LPAR3: variants seen among roughly 807,000 people sequenced by gnomAD.
LPAR3 encodes the protein LPA receptor 3.
A neutral mutation model predicts 17.8 loss-of-function variants in LPAR3; 7 were observed. The observed-to-expected ratio is 0.39, with a 90% CI of 0.22 to 0.74. The LOEUF (loss-of-function observed/expected upper bound fraction) is 0.74. Ranked by LOEUF, LPAR3 falls within the 30% of genes least tolerant of loss-of-function variation. The pLI is 0.40. For missense variants in LPAR3, 391 were observed against 453.4 expected, an observed-to-expected ratio of 0.86 and a Z score of 1.25; for synonymous variants, 179 against 179.9, an observed-to-expected ratio of 0.99 and a Z score of 0.04.
At chr1:84,837,907 T>C (rs1466834447) in intron 2 of LPAR3, among the ~76,000 whole-genome samples, 1 of 152,202 alleles carries the variant, frequency 6.6e-6, no homozygotes, top group East Asian at 1.9e-4. Context: ...AATTCAGAAA[T>C]GGTATCCTTA....
At chr1:84,891,325 G>T (rs946338204) in intron 1 of LPAR3, among the ~76,000 whole-genome samples, 2 of 152,192 alleles carry the variant, frequency 1.3e-5, no homozygotes, top group Non-Finnish European at 2.9e-5. Context: ...GACAATCAAT[G>T]TAAGTGTTGT....
intron 2 of LPAR3, among the ~76,000 whole-genome samples, chr1:84,832,679 C>T (rs1002403889): frequency 2.0e-5 from 3 of 152,076 alleles, no homozygotes; most frequent in Admixed American, 6.5e-5. Flanking sequence ...CCCTTGGTGC[C>T]GTAGTAACAA....
At chr1:84,842,457 G>T (rs1276079719) in intron 2 of LPAR3, among the ~76,000 whole-genome samples, 1 of 152,214 alleles carries the variant, frequency 6.6e-6, no homozygotes, top group Non-Finnish European at 1.5e-5. Flanking sequence ...TCATGCAAAT[G>T]AATGAGCAGA....
At chr1:84,853,035 C>T (rs982781112) in intron 2 of LPAR3, among the ~76,000 whole-genome samples, 3 of 150,992 alleles carry the variant, frequency 2.0e-5, no homozygotes, top group African/African-American at 7.3e-5. Context: ...GCAGAAGGAT[C>T]GCTTGAGCTC....
chr1:84,826,037 A>G (rs2102747292), intron 2 of LPAR3, among the ~76,000 whole-genome samples: 1 of 152,232 alleles, frequency 6.6e-6, no homozygotes, highest in East Asian at 1.9e-4. Context: ...GCACTAGAGA[A>G]TATAATGATA....
chr1:84,829,539 G>C (rs1356219692), intron 2 of LPAR3, among the ~76,000 whole-genome samples: 2 of 151,926 alleles, frequency 1.3e-5, no homozygotes, highest in Non-Finnish European at 2.9e-5. Flanking sequence ...CTTCAACTGT[G>C]ATACACTCTG....
intron 2 of LPAR3, among the ~76,000 whole-genome samples, chr1:84,827,198 T>C (rs1659175464): frequency 6.6e-6 from 1 of 152,210 alleles, no homozygotes; most frequent in African/African-American, 2.4e-5. Flanking sequence ...TAAAATTTGT[T>C]CTATTAGTTG....
intron 2 of LPAR3, among the ~76,000 whole-genome samples, chr1:84,817,539 C>T (rs1484652659): frequency 6.6e-6 from 1 of 152,294 alleles, no homozygotes; most frequent in South Asian, 2.1e-4. Flanking sequence ...ACAGCTGTTT[C>T]CCAGGGTCAC....
chr1:84,869,193 C>G (rs940897127), intron 1 of LPAR3, among the ~76,000 whole-genome samples: 4 of 152,164 alleles, frequency 2.6e-5, no homozygotes, highest in Admixed American at 2.6e-4. Context: ...ATATCAAGCA[C>G]TAACACCTCA....
intron 1 of LPAR3, among the ~76,000 whole-genome samples, chr1:84,876,437 G>C (rs1480074405): frequency 6.6e-6 from 1 of 152,080 alleles, no homozygotes; most frequent in East Asian, 1.9e-4. Context: ...TTGAGATACT[G>C]ATTTCTCCTG....
chr1:84,835,370 T>A (rs1174372158), intron 2 of LPAR3, among the ~76,000 whole-genome samples: 1 of 152,266 alleles, frequency 6.6e-6, no homozygotes, highest in African/African-American at 2.4e-5. Context: ...ATAGAAACCC[T>A]TAAGTCTTTT....
chr1:84,870,915 C>A (rs1158327056), intron 1 of LPAR3, among the ~76,000 whole-genome samples: 2 of 152,156 alleles, frequency 1.3e-5, no homozygotes. Context: ...ATAGAATGAT[C>A]TGATCAAATC....
chr1:84,863,266 G>A (rs1353421879), intron 2 of LPAR3, among the ~76,000 whole-genome samples: 1 of 151,948 alleles, frequency 6.6e-6, no homozygotes, highest in African/African-American at 2.4e-5. Context: ...ATAGAGATGG[G>A]GTTTCACCAT....
chr1:84,870,828 T>C (rs1191927183), intron 1 of LPAR3, among the ~76,000 whole-genome samples: 1 of 152,178 alleles, frequency 6.6e-6, no homozygotes, highest in Non-Finnish European at 1.5e-5. Context: ...CACTATACTT[T>C]ATCTCCACAG....
At chr1:84,845,780 T>C (rs1234460002) in intron 2 of LPAR3, among the ~76,000 whole-genome samples, 1 of 152,200 alleles carries the variant, frequency 6.6e-6, no homozygotes, top group East Asian at 1.9e-4. Context: ...AACATGTATT[T>C]ACTTGAGGAA....
At chr1:84,818,339 G>A (rs909200966) in intron 2 of LPAR3, among the ~76,000 whole-genome samples, 1 of 152,100 alleles carries the variant, frequency 6.6e-6, no homozygotes, top group Admixed American at 6.5e-5. Flanking sequence ...GGAGTGTTGG[G>A]TCACAAGATT....
At chr1:84,834,281 T>G (rs780892628) in intron 2 of LPAR3, among the ~76,000 whole-genome samples, 6 of 152,212 alleles carry the variant, frequency 3.9e-5, no homozygotes, top group Non-Finnish European at 7.3e-5. Flanking sequence ...CAATATTTAT[T>G]AATGAGTAAA....
intron 1 of LPAR3, among the ~76,000 whole-genome samples, chr1:84,879,735 T>A (rs11161475): frequency 0.33 from 49,902 of 152,006 alleles, 9,332 homozygotes; most frequent in South Asian, 0.44. Context: ...ACTAAGTTCT[T>A]ACCACTAGAA....
chr1:84,881,574 T>G (rs1001945698), intron 1 of LPAR3, among the ~76,000 whole-genome samples: 3 of 152,118 alleles, frequency 2.0e-5, no homozygotes, highest in African/African-American at 7.2e-5. Flanking sequence ...ACACCTCAAT[T>G]TAACAAGGAA....
Sources: gnomAD v4.1 joint callset for allele counts (sites outside exome capture counted in the v4.1 genomes callset) on GRCh38, gnomAD v4.1.1 for gene constraint, MANE v1.5 for transcripts, NCBI Gene and HGNC (gene_info 2026-07-23, HGNC 2026-07-21) for gene names.